Variants in SAMD3 observed in about 807,000 individuals in gnomAD.
SAMD3 encodes the protein sterile alpha motif domain containing 3, also known as sterile alpha motif domain-containing protein 3.
In SAMD3, 63 loss-of-function variants were observed where a neutral mutation model predicts 58.5. That is an observed-to-expected ratio of 1.08 (90% confidence interval 0.88 to 1.33). The LOEUF is 1.33. Among genes scored for constraint, SAMD3 ranks in the 40% most tolerant of loss-of-function variants. The pLI is 0.00. For missense variants in SAMD3, 604 were observed against 608.4 expected, an observed-to-expected ratio of 0.99 and a Z score of 0.08; for synonymous variants, 220 against 210.3, an observed-to-expected ratio of 1.05 and a Z score of -0.40.
At chr6:130,321,042 C>G (rs764062036) in intron 1 of SAMD3, among the ~76,000 whole-genome samples, 1 of 152,220 alleles carries the variant, frequency 6.6e-6, no homozygotes, top group Non-Finnish European at 1.5e-5. Flanking sequence ...TCTAACATAA[C>G]TCCCAATGAT....
chr6:130,228,736 A>G (rs1582979367), intron 2 of SAMD3, among the ~76,000 whole-genome samples: 2 of 152,276 alleles, frequency 1.3e-5, no homozygotes. Context: ...TGGACTCAAC[A>G]TGGACCCTGA....
intron 2 of SAMD3, among the ~76,000 whole-genome samples, chr6:130,271,299 T>C (rs1312189286): frequency 6.6e-6 from 1 of 152,124 alleles, no homozygotes; most frequent in Admixed American, 6.6e-5. Context: ...TGCACAAACC[T>C]CTTGTCAGCA....
intron 1 of SAMD3, among the ~76,000 whole-genome samples, chr6:130,363,612 A>G (rs1778047770): frequency 6.6e-6 from 1 of 152,180 alleles, no homozygotes; most frequent in South Asian, 2.1e-4. Context: ...CATTTCATTC[A>G]ATTTTCACAA....
intron 7 of SAMD3, 52 bp from the exon 8 acceptor site, chr6:130,176,060 T>C (rs1251984540): frequency 1.4e-6 from 2 of 1,415,246 alleles, no homozygotes; most frequent in South Asian, 1.2e-5. Context: ...GATAATCCTA[T>C]ATAAACAATA....
At chr6:130,308,498 GA>G (rs1562513379) in intron 2 of SAMD3, among the ~76,000 whole-genome samples, 1 of 151,256 alleles carries the variant, frequency 6.6e-6, no homozygotes, top group Non-Finnish European at 1.5e-5. Flanking sequence ...GGCCAACCTA[GA>G]AGGTTGGGCC....
intron 8 of SAMD3, among the ~76,000 whole-genome samples, chr6:130,169,596 T>A (rs1791051547): frequency 6.6e-6 from 1 of 152,300 alleles, no homozygotes; most frequent in East Asian, 1.9e-4. Context: ...CCCCAATACA[T>A]TCAATTCCCT....
At chr6:130,302,842 G>A (rs1775799071) in intron 2 of SAMD3, among the ~76,000 whole-genome samples, 1 of 152,152 alleles carries the variant, frequency 6.6e-6, no homozygotes, top group African/African-American at 2.4e-5. Flanking sequence ...AGTACCACAA[G>A]TTACCACTTA....
chr6:130,161,575 A>C (rs1790284375), intron 8 of SAMD3: 1 of 152,206 alleles, frequency 6.6e-6, no homozygotes, highest in Non-Finnish European at 1.5e-5. Context: ...CTACATCAGA[A>C]TTTAAAATTC....
chr6:130,262,020 G>A (rs954245042), intron 2 of SAMD3, among the ~76,000 whole-genome samples: 1 of 151,456 alleles, frequency 6.6e-6, no homozygotes, highest in African/African-American at 2.4e-5. Flanking sequence ...GAAAGTCAAA[G>A]AGAGAAAGAC....
intron 2 of SAMD3, among the ~76,000 whole-genome samples, chr6:130,293,753 T>C (rs192352850): frequency 6.6e-6 from 1 of 151,818 alleles, no homozygotes; most frequent in East Asian, 1.9e-4. Context: ...TCACCAGATT[T>C]AGGGGCACTC....
At chr6:130,357,118 C>CTTT (rs1169066063) in intron 1 of SAMD3, among the ~76,000 whole-genome samples, 1,202 of 91,718 alleles carry the variant, frequency 0.013, 12 homozygotes, top group African/African-American at 0.023. Flanking sequence ...GCCATGGCAT[C>CTTT]TTTTTTTTTT....
At chr6:130,226,721 C>A (rs1796391225), upstream of SAMD3, among the ~76,000 whole-genome samples, 1 of 152,038 alleles carries the variant, frequency 6.6e-6, no homozygotes, top group Non-Finnish European at 1.5e-5. Context: ...GTCAGTGTAG[C>A]TTTTCTGTAG....
At chr6:130,278,806 G>T (rs1774876616) in intron 2 of SAMD3, among the ~76,000 whole-genome samples, 1 of 150,910 alleles carries the variant, frequency 6.6e-6, no homozygotes, top group Non-Finnish European at 1.5e-5. Flanking sequence ...GGAAAGGAAG[G>T]AGAACTGGAT....
chr6:130,358,814 C>T (rs1261506799), intron 1 of SAMD3, among the ~76,000 whole-genome samples: 1 of 152,056 alleles, frequency 6.6e-6, no homozygotes, highest in Non-Finnish European at 1.5e-5. Flanking sequence ...TATTTTCTCA[C>T]TAACAATGTC....
chr6:130,144,668 G>T lies in SAMD3; in HGVS notation c.1415C>A (p.Ala472Asp). ...CVTALAALVA[A>D]FHVFRIECPR... Reference sequence around the variant, plus strand: ...ACACTCAATCCTAAATACATGAAAGGCAGCTACTAGCGCAGCCAAGGCTGT... The same window carrying T: ...ACACTCAATCCTAAATACATGAAAGTCAGCTACTAGCGCAGCCAAGGCTGT... Residue 472 changes from alanine (A) to aspartate (D), a missense_variant, in exon 12 of 12, where the codon GCC becomes GAC. Transcript: ENST00000439090. 6.2e-7 allele frequency: 1 copy of T among 1,614,084 alleles called. No individual in the cohort carries two copies. Among genetic ancestry groups the T allele is most frequent in the Non-Finnish European group, 8.5e-7 (1 of 1,179,998 alleles).
intron 2 of SAMD3, among the ~76,000 whole-genome samples, chr6:130,303,521 A>G (rs1775819376): frequency 6.6e-6 from 1 of 152,182 alleles, no homozygotes; most frequent in South Asian, 2.1e-4. Flanking sequence ...AAATAAATGT[A>G]TTTATTTATA....
intron 8 of SAMD3, among the ~76,000 whole-genome samples, chr6:130,166,182 G>C (rs999712594): frequency 6.6e-6 from 1 of 152,140 alleles, no homozygotes; most frequent in African/African-American, 2.4e-5. Flanking sequence ...TGCTACAAGG[G>C]GGTCCTGGGG....
At chr6:130,221,831 A>G (rs1447911914) in intron 1 of SAMD3, 4 of 152,196 alleles carry the variant, frequency 2.6e-5, no homozygotes, top group Non-Finnish European at 5.9e-5. Context: ...CATAAAACCA[A>G]CTAAAAAATT....
intron 2 of SAMD3, among the ~76,000 whole-genome samples, chr6:130,255,731 C>T (rs886645036): frequency 2.2e-4 from 34 of 151,948 alleles, no homozygotes; most frequent in Admixed American, 7.9e-4. Context: ...TGAACTCAAG[C>T]GATCCCCCCA....
Sources: allele counts gnomAD v4.1 joint callset (sites outside exome capture counted in the v4.1 genomes callset), GRCh38; gene constraint gnomAD v4.1.1; transcripts MANE v1.5; gene names NCBI Gene and HGNC (gene_info 2026-07-23, HGNC 2026-07-21).